The following TRDN variants were observed in gnomAD, a reference collection of about 807,000 sequenced individuals.
TRDN encodes the protein triadin.
Under a neutral mutation model 149.7 loss-of-function variants are expected in TRDN, and 161 were observed. The ratio of observed to expected loss-of-function variants is 1.08; its 90% CI spans 0.95 to 1.23. TRDN has a LOEUF of 1.23. Ranked by LOEUF, TRDN falls within the 50% of genes most tolerant of loss-of-function variation. The pLI is 0.00. For missense variants in TRDN, 896 were observed against 823.5 expected, an observed-to-expected ratio of 1.09 and a Z score of -1.08; for synonymous variants, 294 against 250.5, an observed-to-expected ratio of 1.17 and a Z score of -1.64.
rs149495041 is a variant in TRDN, at chr6:123,258,457, A to G, written c.1870+1167T>C. Among the ~76,000 whole-genome samples the G allele has an allele frequency of 1.5e-4, 23 of 152,260 alleles. No individual in the cohort carries two copies. The East Asian group carries it at 4.4e-3, about 29-fold the overall frequency. On this transcript the variant is annotated intron_variant, in intron 35 of 40. Coordinates refer to ENST00000334268, the MANE Select transcript of TRDN (RefSeq NM_006073.4). ...TACATTTATTGATATGTGTAGGTTGAACCAGCCTTGCATCCCAGGGATGAA... is the reference window on the plus strand; with the variant it reads ...TACATTTATTGATATGTGTAGGTTGGACCAGCCTTGCATCCCAGGGATGAA...
At chr6:123,262,737 A>C (rs9490717) in intron 33 of TRDN, among the ~76,000 whole-genome samples, 21,719 of 151,932 alleles carry the variant, frequency 0.14, 1,805 homozygotes, top group African/African-American at 0.22. Flanking sequence ...TTCTCACAAT[A>C]TTTCAAATTT....
chr6:123,522,751 A>G (rs909321577), intron 5 of TRDN, among the ~76,000 whole-genome samples: 8 of 152,180 alleles, frequency 5.3e-5, no homozygotes, highest in Non-Finnish European at 8.8e-5. Context: ...AGTTGTCTGT[A>G]GGAATCCAGT....
chr6:123,303,869 A>C (rs1306139587), intron 24 of TRDN, among the ~76,000 whole-genome samples: 1 of 152,190 alleles, frequency 6.6e-6, no homozygotes, highest in Non-Finnish European at 1.5e-5. Context: ...CAAGATAATA[A>C]GTTAATGATT....
At chr6:123,249,282 A>T (rs1465771152) in intron 38 of TRDN, among the ~76,000 whole-genome samples, 1 of 152,066 alleles carries the variant, frequency 6.6e-6, no homozygotes, top group South Asian at 2.1e-4. Context: ...AGTCAAAAAA[A>T]ATATGTTGAC....
At chr6:123,535,737 C>A (rs542764641) in intron 4 of TRDN, among the ~76,000 whole-genome samples, 40 of 152,156 alleles carry the variant, frequency 2.6e-4, no homozygotes, top group African/African-American at 8.9e-4. Context: ...TAAATAAAAA[C>A]TAGTCACATT....
At chr6:123,512,463 T>C (rs1779230575) in intron 6 of TRDN, 101 bp from the exon 7 acceptor site, 3 of 640,026 alleles carry the variant, frequency 4.7e-6, no homozygotes, top group Non-Finnish European at 8.1e-6. Flanking sequence ...TAATCTGTAA[T>C]ATTTTGAAAA....
At chr6:123,241,156 C>G (rs796598564) in intron 38 of TRDN, among the ~76,000 whole-genome samples, 1 of 151,400 alleles carries the variant, frequency 6.6e-6, no homozygotes, top group African/African-American at 2.4e-5. Context: ...GAATGACATA[C>G]TTATTGGGAA....
chr6:123,464,139 C>T (rs889102171), intron 10 of TRDN: 52 of 521,688 alleles, frequency 1.0e-4, no homozygotes, highest in Admixed American at 3.2e-4. Context: ...AGAGAAGGAA[C>T]TGTTTTCTAT....
rs191384221 is a variant in TRDN at position 123,332,705 on chromosome 6, C to T, written c.1421-776G>A. ...TTATGGATGAAAATGACTTTTAATG[C>T]AATTATAAGGGAAAGAAAGAGATCT... On this transcript the variant is annotated intron_variant, in intron 22 of 40. Transcript: ENST00000334268. Among the ~76,000 whole-genome samples, 31 of 152,054 alleles carry T rather than the reference C, an allele frequency of 2.0e-4. No homozygotes were observed. The East Asian group carries it at 6.0e-3, about 29-fold the overall frequency.
At chr6:123,623,258 A>G (rs1008593096) in intron 1 of TRDN, among the ~76,000 whole-genome samples, 2 of 152,034 alleles carry the variant, frequency 1.3e-5, no homozygotes, top group Non-Finnish European at 2.9e-5. Flanking sequence ...TGACCTTCTC[A>G]CCAATCCAAA....
intron 9 of TRDN, among the ~76,000 whole-genome samples, chr6:123,477,628 T>C (rs1375965978): frequency 6.6e-6 from 1 of 151,778 alleles, no homozygotes; most frequent in Non-Finnish European, 1.5e-5. Context: ...TATTGTGGCA[T>C]TATTCACAGT....
At chr6:123,483,735 CCTT>C (rs1777867147) in intron 9 of TRDN, among the ~76,000 whole-genome samples, 2 of 152,090 alleles carry the variant, frequency 1.3e-5, no homozygotes, top group African/African-American at 4.8e-5. Flanking sequence ...ATTGTTATCT[CCTT>C]CTGGTTTGAA....
chr6:123,555,009 C>T (rs932587875), intron 2 of TRDN, among the ~76,000 whole-genome samples: 3 of 152,128 alleles, frequency 2.0e-5, no homozygotes, highest in African/African-American at 7.2e-5. Context: ...ATTTAATAGT[C>T]TTCTGAGACT....
At chr6:123,292,512 T>C (rs1054031723) in intron 24 of TRDN, among the ~76,000 whole-genome samples, 3 of 152,166 alleles carry the variant, frequency 2.0e-5, no homozygotes, top group African/African-American at 7.2e-5. Context: ...TCAAAAGGCT[T>C]TCCACTATAA....
intron 7 of TRDN, among the ~76,000 whole-genome samples, chr6:123,507,992 T>TAA (rs61001808): frequency 0.82 from 124,025 of 150,410 alleles, 51,242 homozygotes; most frequent in East Asian, 0.88. Context: ...TTCTTTGCGT[T>TAA]AAAAAAAAAG....
intron 8 of TRDN, chr6:123,501,984 A>C (rs571556958): frequency 2.0e-6 from 2 of 985,176 alleles, no homozygotes; most frequent in African/African-American, 3.5e-5. Flanking sequence ...ATGAAAAATT[A>C]ACATCAAAAA....
In TRDN at chr6:123,389,725, C is replaced by T. The variant is rs192669317; in HGVS notation, c.1106-1174G>A. On this transcript the variant is annotated intron_variant, in intron 13 of 40. Coordinates refer to ENST00000334268, the MANE Select transcript of TRDN (RefSeq NM_006073.4). ...AAGTGAATTTACAAATAAGTTAATT[C>T]TACTTTGGGACATTTGTTTCTTTTT... Among the ~76,000 whole-genome samples, 1,141 of 152,148 alleles carry T rather than the reference C, an allele frequency of 7.5e-3. 5 individuals carry two copies. Among genetic ancestry groups the T allele is most frequent in the Non-Finnish European group, 0.014 (936 of 67,972 alleles).
At chr6:123,414,906 C>A (rs1207334204) in intron 12 of TRDN, among the ~76,000 whole-genome samples, 4 of 151,968 alleles carry the variant, frequency 2.6e-5, no homozygotes, top group African/African-American at 4.8e-5. Flanking sequence ...TATACAGAAA[C>A]TTTAACATAT....
At chr6:123,602,840 CA>C (rs1030091350) in intron 1 of TRDN, among the ~76,000 whole-genome samples, 1 of 151,982 alleles carries the variant, frequency 6.6e-6, no homozygotes, top group Non-Finnish European at 1.5e-5. Context: ...GACAAAATCT[CA>C]AACCAGCAAC....
Sources: gnomAD v4.1 joint callset for allele counts (sites outside exome capture counted in the v4.1 genomes callset) on GRCh38, gnomAD v4.1.1 for gene constraint, MANE v1.5 for transcripts, NCBI Gene and HGNC (gene_info 2026-07-23, HGNC 2026-07-21) for gene names.